The following CCDC171 variants were observed in gnomAD, a reference collection of about 807,000 sequenced individuals.
The protein encoded by CCDC171 is coiled-coil domain-containing protein 171.
CCDC171 carries 177 observed loss-of-function variants against 168.2 expected under a neutral mutation model. The observed-to-expected ratio is 1.05, with a 90% CI of 0.93 to 1.19. The LOEUF is 1.19. Among genes scored for constraint, CCDC171 ranks in the 50% most tolerant of loss-of-function variants. CCDC171 has a pLI of 0.00. For synonymous variants in CCDC171, 687 were observed against 540.8 expected, an observed-to-expected ratio of 1.27 and a Z score of -3.75; for missense variants, 1,991 against 1,539.0, an observed-to-expected ratio of 1.29 and a Z score of -4.91.
intron 6 of CCDC171, among the ~76,000 whole-genome samples, chr9:15,615,975 G>A (rs1034983450): frequency 6.6e-6 from 1 of 152,036 alleles, no homozygotes; most frequent in Non-Finnish European, 1.5e-5. Context: ...TTTTGAGATG[G>A]AGTCTCGCTC....
intron 15 of CCDC171, 96 bp downstream of exon 15, chr9:15,728,132 A>G (rs2053932062): frequency 3.1e-6 from 3 of 960,168 alleles, no homozygotes; most frequent in Non-Finnish European, 4.5e-6. Context: ...ATCTTATTTC[A>G]AAAAGAATTT....
intron 20 of CCDC171, among the ~76,000 whole-genome samples, chr9:15,783,132 T>A (rs950466704): frequency 6.6e-6 from 1 of 152,144 alleles, no homozygotes; most frequent in African/African-American, 2.4e-5. Flanking sequence ...GCAGGCAGGG[T>A]ACCTGGTGCC....
intron 4 of CCDC171, among the ~76,000 whole-genome samples, chr9:15,579,546 T>C (rs1270907177): frequency 1.5e-4 from 23 of 152,216 alleles, no homozygotes; most frequent in Admixed American, 1.5e-3. Context: ...AAATAAAGCC[T>C]TTCTATTTAC....
chr9:15,855,209 C>T (rs1179890600), intron 23 of CCDC171, among the ~76,000 whole-genome samples: 1 of 151,508 alleles, frequency 6.6e-6, no homozygotes, highest in African/African-American at 2.4e-5. Flanking sequence ...ACTCTTTTTC[C>T]TCTTCAACTT....
intron 20 of CCDC171, among the ~76,000 whole-genome samples, chr9:15,780,623 C>T (rs983031625): frequency 6.6e-6 from 1 of 152,192 alleles, no homozygotes; most frequent in African/African-American, 2.4e-5. Context: ...TTGTTCTCCA[C>T]ATTTCGTGTG....
At chr9:15,808,573 A>C (rs902771499) in intron 21 of CCDC171, among the ~76,000 whole-genome samples, 1 of 152,212 alleles carries the variant, frequency 6.6e-6, no homozygotes, top group African/African-American at 2.4e-5. Flanking sequence ...ATAAATCTGA[A>C]AGAATCATTG....
At chr9:15,597,664 T>C (rs1466316820) in intron 6 of CCDC171, among the ~76,000 whole-genome samples, 5 of 152,328 alleles carry the variant, frequency 3.3e-5, no homozygotes, top group Non-Finnish European at 5.9e-5. Flanking sequence ...CCTCATAAAA[T>C]GAGTTAGGGA....
At chr9:15,771,366 C>G (rs1432695942) in intron 18 of CCDC171, among the ~76,000 whole-genome samples, 4 of 152,126 alleles carry the variant, frequency 2.6e-5, no homozygotes, top group Non-Finnish European at 5.9e-5. Flanking sequence ...TTGATAATCT[C>G]TTTGACCTTT....
chr9:15,933,995 T>G (rs1217184963), intron 25 of CCDC171, among the ~76,000 whole-genome samples: 2 of 151,936 alleles, frequency 1.3e-5, no homozygotes, highest in Non-Finnish European at 2.9e-5. Flanking sequence ...ACCCATAGAA[T>G]GGGGGAAAAT....
intron 4 of CCDC171, among the ~76,000 whole-genome samples, chr9:16,022,163 T>C (rs1354278882): frequency 6.6e-6 from 1 of 152,160 alleles, no homozygotes; most frequent in African/African-American, 2.4e-5. Context: ...TATTGTAGAA[T>C]AGGCATGGAA....
intron 21 of CCDC171, among the ~76,000 whole-genome samples, chr9:15,836,903 A>G (rs2060476608): frequency 2.0e-5 from 3 of 152,230 alleles, no homozygotes; most frequent in African/African-American, 7.2e-5. Flanking sequence ...GACCAATAAT[A>G]AAATCTACTG....
chr9:15,864,028 AAC>A (rs764757861), intron 23 of CCDC171, among the ~76,000 whole-genome samples: 4 of 152,094 alleles, frequency 2.6e-5, no homozygotes, highest in Non-Finnish European at 5.9e-5. Flanking sequence ...CTTAGTAGTC[AAC>A]CACTGTTTTG....
At chr9:15,709,869 A>G (rs1278502326) in intron 11 of CCDC171, among the ~76,000 whole-genome samples, 2 of 152,176 alleles carry the variant, frequency 1.3e-5, no homozygotes. Flanking sequence ...TCAAATATGT[A>G]CAAAAGGAGG....
At chr9:15,996,323 C>T (rs776851558) in intron 3 of CCDC171, among the ~76,000 whole-genome samples, 16 of 151,800 alleles carry the variant, frequency 1.1e-4, no homozygotes, top group Admixed American at 2.6e-4. Flanking sequence ...GCCGGCACAC[C>T]TGCCATTTTA....
At position 15,608,441 on chromosome 9, in the gene CCDC171, A is replaced by G. The variant is rs539859631; in HGVS notation, c.675+14269A>G. On this transcript the variant is annotated intron_variant, in intron 6 of 25. Coordinates refer to ENST00000380701, the MANE Select transcript of CCDC171 (RefSeq NM_173550.4). ...AGTGGGTGTAACAATTTCAAAGAAGAGTTTCTCTTCCTTTACAGCCTCTTG... is the reference window on the plus strand; with the variant it reads ...AGTGGGTGTAACAATTTCAAAGAAGGGTTTCTCTTCCTTTACAGCCTCTTG... 1.1e-4 allele frequency among the ~76,000 whole-genome samples: 17 copies of G among 149,788 alleles called. No homozygotes were observed. The East Asian group carries it at 2.9e-3, about 26-fold the overall frequency.
chr9:16,030,239 A>G (rs1833344252), intron 6 of CCDC171, among the ~76,000 whole-genome samples: 1 of 151,774 alleles, frequency 6.6e-6, no homozygotes, highest in South Asian at 2.1e-4. Context: ...AATTTCAGTT[A>G]CTCTTTATAT....
chr9:15,586,985 T>A (rs969870391), intron 4 of CCDC171, among the ~76,000 whole-genome samples: 17 of 151,692 alleles, frequency 1.1e-4, no homozygotes, highest in South Asian at 2.1e-4. Flanking sequence ...TTAAAAAAAA[T>A]TTTTTTTTGT....
chr9:15,561,254 G>A (rs1450696155), intron 1 of CCDC171, among the ~76,000 whole-genome samples: 3 of 152,216 alleles, frequency 2.0e-5, no homozygotes, highest in Non-Finnish European at 4.4e-5. Context: ...GATGCCTGGA[G>A]AAGGGAGTTT....
At chr9:15,825,395 A>G (rs1164506936) in intron 21 of CCDC171, among the ~76,000 whole-genome samples, 1 of 152,150 alleles carries the variant, frequency 6.6e-6, no homozygotes, top group Non-Finnish European at 1.5e-5. Context: ...CATCCTAATA[A>G]TGTAACCACT....
Sources: gnomAD v4.1 joint callset for allele counts (sites outside exome capture counted in the v4.1 genomes callset) on GRCh38, gnomAD v4.1.1 for gene constraint, MANE v1.5 for transcripts, NCBI Gene and HGNC (gene_info 2026-07-23, HGNC 2026-07-21) for gene names.